Variants in LRRTM4 observed in about 807,000 individuals in gnomAD.
The protein encoded by LRRTM4 is leucine-rich repeat transmembrane neuronal protein 4.
A neutral mutation model predicts 47.6 loss-of-function variants in LRRTM4; 25 were observed. That is an observed-to-expected ratio of 0.53 (90% CI 0.38 to 0.73). The LOEUF is 0.73. Among genes scored for constraint, LRRTM4 ranks in the 30% least tolerant of loss-of-function variants. The pLI is 0.00. For synonymous variants in LRRTM4, 311 were observed against 269.5 expected, an observed-to-expected ratio of 1.15 and a Z score of -1.51; for missense variants, 638 against 713.4, an observed-to-expected ratio of 0.89 and a Z score of 1.20.
rs140610743 is a variant in LRRTM4 at position 76,929,203 on chromosome 2, A to G, written c.1552-180287T>C. Among the ~76,000 whole-genome samples, 3 of 152,310 alleles carry G rather than the reference A, an allele frequency of 2.0e-5. No individual in the cohort carries two copies. The East Asian group carries it at 5.8e-4, about 29-fold the overall frequency. On this transcript the variant is annotated intron_variant, in intron 3 of 3. Coordinates refer to ENST00000409884, the MANE Select transcript of LRRTM4 (RefSeq NM_001134745.3). ...TAGGTCACAGAGTTTAGGACCAGAC[A>G]TATCACTGGAAGGAAAGAAGAGGTT...
chr2:77,012,076 C>T (rs1677895051), intron 3 of LRRTM4, among the ~76,000 whole-genome samples: 1 of 152,086 alleles, frequency 6.6e-6, no homozygotes, highest in Non-Finnish European at 1.5e-5. Context: ...CCTTTCAAAT[C>T]TCACGCAAAA....
intron 3 of LRRTM4, among the ~76,000 whole-genome samples, chr2:77,328,823 A>G (rs1670871080): frequency 6.6e-6 from 1 of 152,188 alleles, no homozygotes; most frequent in Non-Finnish European, 1.5e-5. Flanking sequence ...AATGGCTTCT[A>G]TGCTTCAGTG....
At chr2:76,771,125 G>GAA (rs5832250) in intron 3 of LRRTM4, among the ~76,000 whole-genome samples, 3 of 151,822 alleles carry the variant, frequency 2.0e-5, no homozygotes, top group East Asian at 1.9e-4. Context: ...ATTTAATCCT[G>GAA]AAAAAAACTT....
At chr2:77,451,709 A>T (rs1676261553) in intron 3 of LRRTM4, among the ~76,000 whole-genome samples, 1 of 152,164 alleles carries the variant, frequency 6.6e-6, no homozygotes, top group African/African-American at 2.4e-5. Context: ...CTTACTAATC[A>T]AATAAATAAA....
intron 3 of LRRTM4, among the ~76,000 whole-genome samples, chr2:76,830,811 G>A (rs1480740965): frequency 6.6e-6 from 1 of 151,964 alleles, no homozygotes; most frequent in African/African-American, 2.4e-5. Flanking sequence ...TAGAGCAGGT[G>A]AGACATTGGT....
At chr2:77,411,334 G>T (rs1481089372) in intron 3 of LRRTM4, among the ~76,000 whole-genome samples, 1 of 152,012 alleles carries the variant, frequency 6.6e-6, no homozygotes, top group Admixed American at 6.6e-5. Context: ...CCAGGATAAG[G>T]ATAGGCTAAC....
At chr2:76,914,328 TTC>T (rs1274832211) in intron 3 of LRRTM4, among the ~76,000 whole-genome samples, 1 of 152,072 alleles carries the variant, frequency 6.6e-6, no homozygotes, top group African/African-American at 2.4e-5. Flanking sequence ...CTTGACTTAT[TTC>T]TGTTTCTTTA....
chr2:77,076,098 A>G (rs994133643), intron 3 of LRRTM4, among the ~76,000 whole-genome samples: 3 of 152,026 alleles, frequency 2.0e-5, no homozygotes, highest in African/African-American at 7.3e-5. Context: ...GCAAAAAGGC[A>G]TTTTCATTCT....
intron 3 of LRRTM4, among the ~76,000 whole-genome samples, chr2:77,159,321 A>AT (rs1412463932): frequency 2.6e-5 from 4 of 152,090 alleles, no homozygotes; most frequent in Admixed American, 6.6e-5. Context: ...TACATACTGC[A>AT]TTTTTTCAAC....
intron 2 of LRRTM4, among the ~76,000 whole-genome samples, chr2:77,521,055 A>G (rs1243347341): frequency 6.6e-6 from 1 of 150,680 alleles, no homozygotes; most frequent in African/African-American, 2.5e-5. Context: ...TTTTCTTTTT[A>G]ATTTAAAACC....
At chr2:77,443,831 C>G (rs546657653) in intron 3 of LRRTM4, among the ~76,000 whole-genome samples, 16 of 151,952 alleles carry the variant, frequency 1.1e-4, no homozygotes, top group Non-Finnish European at 1.3e-4. Flanking sequence ...ATGTTTTCAC[C>G]AAACTGATTT....
intron 3 of LRRTM4, among the ~76,000 whole-genome samples, chr2:77,481,603 T>C (rs891966465): frequency 6.6e-6 from 1 of 152,184 alleles, no homozygotes; most frequent in Admixed American, 6.5e-5. Flanking sequence ...AGGGCAGAGA[T>C]TCCACTTCCC....
intron 3 of LRRTM4, among the ~76,000 whole-genome samples, chr2:77,280,039 G>A (rs1676467002): frequency 6.6e-6 from 1 of 152,014 alleles, no homozygotes; most frequent in Admixed American, 6.6e-5. Context: ...GGATAATTAA[G>A]TTTGCAGATG....
At chr2:77,197,681 T>C (rs1489259139) in intron 3 of LRRTM4, among the ~76,000 whole-genome samples, 3 of 152,340 alleles carry the variant, frequency 2.0e-5, no homozygotes, top group Non-Finnish European at 4.4e-5. Context: ...TTTTGCAACC[T>C]TGAGAAATTA....
chr2:77,211,719 A>G (rs896130357), intron 3 of LRRTM4, among the ~76,000 whole-genome samples: 7 of 152,170 alleles, frequency 4.6e-5, no homozygotes, highest in Admixed American at 6.5e-5. Flanking sequence ...GCCATCAGAA[A>G]GACTCCCTTC....
intron 3 of LRRTM4, among the ~76,000 whole-genome samples, chr2:77,224,936 T>G (rs1674758486): frequency 2.0e-5 from 3 of 152,034 alleles, no homozygotes; most frequent in Non-Finnish European, 4.4e-5. Flanking sequence ...GTGGCACTAT[T>G]CACAATAGCA....
chr2:77,068,948 G>C lies in LRRTM4; in HGVS notation c.1552-320032C>G, dbSNP rs549424279. On this transcript the variant is annotated intron_variant, in intron 3 of 3. Transcript: ENST00000409884. ...CCACAAACAATAGCATGAGCGATCT[G>C]TGCCTTAAGGGCATGTTCCTGCTGC... 2.7e-4 allele frequency among the ~76,000 whole-genome samples: 41 copies of C among 151,656 alleles called. 1 individual carries two copies. Among genetic ancestry groups the C allele is most frequent in the African/African-American group, 4.6e-4 (19 of 40,940 alleles).
At chr2:77,047,462 T>C (rs1679272491) in intron 3 of LRRTM4, among the ~76,000 whole-genome samples, 1 of 152,030 alleles carries the variant, frequency 6.6e-6, no homozygotes, top group African/African-American at 2.4e-5. Flanking sequence ...TTCTGAGAGC[T>C]GTGAGGAAGA....
intron 3 of LRRTM4, among the ~76,000 whole-genome samples, chr2:77,309,578 T>C (rs926865992): frequency 6.6e-6 from 1 of 151,982 alleles, no homozygotes; most frequent in Non-Finnish European, 1.5e-5. Flanking sequence ...GAAGAGTTCT[T>C]AATGGGCAGG....
Sources: gnomAD v4.1 joint callset for allele counts (sites outside exome capture counted in the v4.1 genomes callset) on GRCh38, gnomAD v4.1.1 for gene constraint, MANE v1.5 for transcripts, NCBI Gene and HGNC (gene_info 2026-07-23, HGNC 2026-07-21) for gene names.